Variants in RFWD3 observed in about 807,000 individuals in gnomAD.
The protein encoded by RFWD3 is E3 ubiquitin-protein ligase RFWD3.
Under a neutral mutation model 87.7 loss-of-function variants are expected in RFWD3, and 65 were observed. The observed-to-expected ratio is 0.74, with a 90% confidence interval of 0.61 to 0.91. RFWD3 has a LOEUF of 0.91. Ranked by LOEUF, RFWD3 falls within the 40% of genes least tolerant of loss-of-function variation. The pLI, the probability that RFWD3 is intolerant of heterozygous loss-of-function variation, is 0.00. For synonymous variants in RFWD3, 433 were observed against 352.8 expected, an observed-to-expected ratio of 1.23 and a Z score of -2.55; for missense variants, 1,078 against 938.5, an observed-to-expected ratio of 1.15 and a Z score of -1.94.
rs768531617 is a variant in RFWD3, at chr16:74,661,416, C to A, written c.34G>T (p.Val12Leu). The A allele has an allele frequency of 3.1e-6, 5 of 1,613,208 alleles. No individual in the cohort carries two copies. In the South Asian group the frequency reaches 4.4e-5, roughly 14 times the overall value. The part of the protein sequence containing the change: ...AHEAMEYDVQ[V>L]QLNHAEQQPA... ...TGTTGTTCGGCATGATTTAACTGCACCTGAACATCATATTCCATTGCTTCA... is the reference window on the plus strand; with the variant it reads ...TGTTGTTCGGCATGATTTAACTGCAACTGAACATCATATTCCATTGCTTCA... Residue 12 changes from valine to leucine, a missense_variant, in exon 2 of 13, where the codon GTG (valine) becomes TTG (leucine). Physicochemically the swap from Val to Leu is conservative, Grantham distance 32. Coordinates refer to ENST00000361070, the MANE Select transcript of RFWD3 (RefSeq NM_018124.4).
In RFWD3 at chr16:74,661,432, C is replaced by G. The variant is rs1444988239; in HGVS notation, c.18G>C (p.Met6Ile). The stretch of plus-strand genomic sequence containing the variant: ...TTAACTGCACCTGAACATCATATTC[C>G]ATTGCTTCATGAGCCATCACTAGAG... MAHEA[M>I]EYDVQVQLNH... is the part of the protein sequence containing the mutation. The change falls in exon 2 of 13, where the codon ATG becomes ATC. Residue 6 changes from methionine to isoleucine, a missense_variant. Physicochemically the swap from Met to Ile is conservative, Grantham distance 10. Coordinates refer to ENST00000361070, the MANE Select transcript of RFWD3 (RefSeq NM_018124.4). 26 of 1,609,864 alleles carry G rather than the reference C, an allele frequency of 1.6e-5. No individual in the cohort carries two copies. The highest frequency in any genetic ancestry group is 2.0e-5 in the Non-Finnish European group (24 of 1,178,570).
At chr16:74,645,970 G>C (rs1302454302) in intron 4 of RFWD3, among the ~76,000 whole-genome samples, 2 of 150,696 alleles carry the variant, frequency 1.3e-5, no homozygotes, top group Non-Finnish European at 3.0e-5. Flanking sequence ...GGATGGTCTC[G>C]ATCTCCTGAC....
rs746677609 is a variant in RFWD3, at chr16:74,630,894, C to T, written c.1641G>A (p.Trp547Ter). The change falls in exon 10 of 13, where the codon TGG (tryptophan) becomes TGA (stop). Residue 547 changes from tryptophan (W) to a stop codon, truncating the protein, a stop_gained. Coordinates refer to ENST00000361070, the MANE Select transcript of RFWD3 (RefSeq NM_018124.4). LOFTEE classifies it high-confidence loss of function. ...NAGRPVWSCCWCLDEANYIYA... is the reference protein window; with the variant it reads ...NAGRPVWSCC ...AGATGTAGTTAGCCTCATCAAGACACCAGCAACAGCTCCAGACAGGACGTC... is the reference window on the plus strand; with the variant it reads ...AGATGTAGTTAGCCTCATCAAGACATCAGCAACAGCTCCAGACAGGACGTC... 6.2e-7 allele frequency: 1 copy of T among 1,614,028 alleles called. No homozygotes were observed. The highest frequency in any genetic ancestry group is 2.2e-5 in the East Asian group (1 of 44,870).
At position 74,661,344 on chromosome 16, in the gene RFWD3, G is replaced by A; in HGVS notation, c.106C>T (p.Leu36Phe). The A allele has an allele frequency of 3.7e-6, 6 of 1,614,110 alleles. No individual in the cohort carries two copies. Among genetic ancestry groups the A allele is most frequent in the South Asian group, 1.1e-5 (1 of 91,082 alleles). ...MASSQGGPAL[L>F]QPVPADVVSS... ...ACCACATCAGCAGGAACAGGCTGGA[G>A]GAGGGCTGGTCCCCCTTGGCTGCTG... The change falls in exon 2 of 13, where the codon CTC (leucine) becomes TTC (phenylalanine). Residue 36 changes from leucine (L) to phenylalanine (F), a missense_variant. Coordinates refer to ENST00000361070, the MANE Select transcript of RFWD3 (RefSeq NM_018124.4).
intron 6 of RFWD3, among the ~76,000 whole-genome samples, chr16:74,641,762 A>G (rs1340204207): frequency 6.6e-6 from 1 of 151,516 alleles, no homozygotes; most frequent in Non-Finnish European, 1.5e-5. Context: ...GTCTCTACTA[A>G]AAATACAAAA....
At chr16:74,643,001 T>TC (rs1959792504) in intron 6 of RFWD3, among the ~76,000 whole-genome samples, 3 of 152,234 alleles carry the variant, frequency 2.0e-5, no homozygotes, top group African/African-American at 7.2e-5. Context: ...GTATAGATTT[T>TC]GCCTTTTCAA....
At chr16:74,649,826 CCT>C (rs1491460579) in intron 3 of RFWD3, among the ~76,000 whole-genome samples, 2 of 152,010 alleles carry the variant, frequency 1.3e-5, no homozygotes, top group Admixed American at 6.6e-5. Context: ...ATTTTTTTCC[CCT>C]CTGTTTGTCA....
chr16:74,637,122 TAAAAAA>T (rs759556308), intron 7 of RFWD3, among the ~76,000 whole-genome samples: 10 of 101,798 alleles, frequency 9.8e-5, no homozygotes, highest in Admixed American at 9.1e-4. Flanking sequence ...TAAAGTCCTT[TAAAAAA>T]AAAAAAAAAA....
At chr16:74,652,511 T>A (rs1960645851) in intron 2 of RFWD3, among the ~76,000 whole-genome samples, 1 of 152,180 alleles carries the variant, frequency 6.6e-6, no homozygotes, top group Non-Finnish European at 1.5e-5. Context: ...TCATGGGATT[T>A]TGCTATTGCA....
intron 11 of RFWD3, among the ~76,000 whole-genome samples, chr16:74,626,800 T>C (rs1958951474): frequency 7.8e-6 from 1 of 127,604 alleles, no homozygotes; most frequent in South Asian, 2.9e-4. Context: ...AATAGCTTTT[T>C]GCTTAAGAGA....
Position 74,626,447 on chromosome 16 carries a change from C to G in RFWD3, c.2077G>C (p.Gly693Arg). Reference protein sequence around the residue: ...SCQPVHTFFGGPTCKLLTKNA... With the variant: ...SCQPVHTFFGRPTCKLLTKNA... Reference sequence around the variant, plus strand: ...TTGGTCAATAGTTTGCAAGTAGGTCCTCCAAAAAATGTATGTACAGGCTGG... The same window carrying G: ...TTGGTCAATAGTTTGCAAGTAGGTCGTCCAAAAAATGTATGTACAGGCTGG... The change falls in exon 12 of 13, where the codon GGA becomes CGA. Residue 693 changes from glycine (G) to arginine (R), a missense_variant. By Grantham distance (125) the Gly-to-Arg change is moderately radical. Transcript: ENST00000361070. The G allele has an allele frequency of 6.2e-7, 1 of 1,614,118 alleles. No individual in the cohort carries two copies. The highest frequency in any genetic ancestry group is 8.5e-7 in the Non-Finnish European group (1 of 1,180,010).
intron 1 of RFWD3, chr16:74,664,745 T>C (rs2144387689): frequency 1.1e-5 from 1 of 94,440 alleles, no homozygotes; most frequent in African/African-American, 4.7e-5. Context: ...TAAGACTCCG[T>C]CTAAAAAAAG....
chr16:74,631,042 A>G (rs1959078110), intron 9 of RFWD3, 85 bp from the exon 10 acceptor site: 6 of 1,257,048 alleles, frequency 4.8e-6, no homozygotes, highest in Non-Finnish European at 6.6e-6. Context: ...TTAAATGATC[A>G]TTAATCCTTA....
intron 1 of RFWD3, among the ~76,000 whole-genome samples, chr16:74,666,002 A>G (rs547432685): frequency 4.6e-5 from 7 of 151,968 alleles, no homozygotes; most frequent in Admixed American, 1.3e-4. Context: ...TTCTCTTTAT[A>G]ACACCTTTTT....
chr16:74,663,849 AC>A (rs542523458), intron 1 of RFWD3, among the ~76,000 whole-genome samples: 25 of 152,196 alleles, frequency 1.6e-4, no homozygotes, highest in Admixed American at 7.2e-4. Context: ...CACTAAAGGG[AC>A]TGTAAAAACC....
At chr16:74,657,122 C>T (rs912011009) in intron 2 of RFWD3, among the ~76,000 whole-genome samples, 2 of 152,170 alleles carry the variant, frequency 1.3e-5, no homozygotes, top group Admixed American at 1.3e-4. Context: ...TTCCAGAGAA[C>T]CACCAACAGG....
rs2143978348 is a variant in RFWD3 at position 74,622,280 on chromosome 16, CTG to C, written c.*1646_*1647del. The stretch of plus-strand genomic sequence containing the variant: ...TAACATATCAAAAGGAGTATCTCCT[CTG>C]AGAAAAGAGCTTTTCTCAGGTTCTA... On this transcript the variant is annotated 3_prime_UTR_variant, in exon 13 of 13. Coordinates refer to ENST00000361070, the MANE Select transcript of RFWD3 (RefSeq NM_018124.4). The C allele has an allele frequency of 6.6e-6, 1 of 152,266 alleles. No individual in the cohort carries two copies. Among genetic ancestry groups the C allele is most frequent in the South Asian group, 2.1e-4 (1 of 4,820 alleles). The allele number at this position is 152,266 out of a possible 1,614,324, so 9.4% of individuals were successfully genotyped here.
intron 8 of RFWD3, among the ~76,000 whole-genome samples, chr16:74,633,042 C>A (rs527908200): frequency 6.6e-6 from 1 of 151,780 alleles, no homozygotes; most frequent in East Asian, 2.0e-4. Flanking sequence ...TTTGGGAGGC[C>A]GAGACAGGTG....
intron 12 of RFWD3, among the ~76,000 whole-genome samples, chr16:74,626,141 AG>A (rs1741791048): frequency 6.6e-6 from 1 of 152,202 alleles, no homozygotes; most frequent in African/African-American, 2.4e-5. Flanking sequence ...AGTTCAGTCA[AG>A]ATCTACAAAG....
Sources: gnomAD v4.1 joint callset for allele counts (sites outside exome capture counted in the v4.1 genomes callset) on GRCh38, gnomAD v4.1.1 for gene constraint, MANE v1.5 for transcripts, NCBI Gene and HGNC (gene_info 2026-07-23, HGNC 2026-07-21) for gene names.